Variants in PDE10A observed in about 807,000 individuals in gnomAD.
PDE10A encodes the protein cAMP and cAMP-inhibited cGMP 3',5'-cyclic phosphodiesterase 10A.
In PDE10A, 39 loss-of-function variants were observed where a neutral mutation model predicts 97.7. The ratio of observed to expected loss-of-function variants is 0.40; its 90% CI spans 0.31 to 0.52. The LOEUF is 0.52. Ranked by LOEUF, PDE10A falls within the 20% of genes least tolerant of loss-of-function variation. The pLI is 0.56. For synonymous variants in PDE10A, 371 were observed against 376.8 expected, an observed-to-expected ratio of 0.98 and a Z score of 0.18; for missense variants, 731 against 1,047.8, an observed-to-expected ratio of 0.70 and a Z score of 4.17.
intron 19 of PDE10A, among the ~76,000 whole-genome samples, chr6:165,341,798 A>G (rs575281420): frequency 2.6e-5 from 4 of 152,192 alleles, no homozygotes; most frequent in Non-Finnish European, 5.9e-5. Flanking sequence ...ACTAAACACA[A>G]TGAAAACTAT....
intron 14 of PDE10A, 89 bp from the exon 15 acceptor site, chr6:165,395,353 G>T: frequency 1.2e-6 from 1 of 841,530 alleles, no homozygotes; most frequent in South Asian, 1.6e-5. Flanking sequence ...TTGTACCAAG[G>T]AGCTAAAAAG....
intron 18 of PDE10A, among the ~76,000 whole-genome samples, chr6:165,346,664 C>T (rs1355365036): frequency 6.6e-6 from 1 of 152,162 alleles, no homozygotes; most frequent in Non-Finnish European, 1.5e-5. Flanking sequence ...TGCAGTAGTA[C>T]TTCAGATGAG....
At chr6:165,744,200 G>C (rs1792793978) in intron 1 of PDE10A, among the ~76,000 whole-genome samples, 1 of 152,062 alleles carries the variant, frequency 6.6e-6, no homozygotes, top group African/African-American at 2.4e-5. Context: ...ATTGTCTACA[G>C]AAAAAAGAAA....
chr6:165,334,887 A>G (rs1191260040), intron 21 of PDE10A, among the ~76,000 whole-genome samples: 4 of 152,162 alleles, frequency 2.6e-5, no homozygotes, highest in African/African-American at 7.2e-5. Flanking sequence ...AAAAAGCAGA[A>G]AAAAAATTTC....
chr6:165,460,849 T>A (rs1778281792), intron 3 of PDE10A, among the ~76,000 whole-genome samples: 1 of 152,126 alleles, frequency 6.6e-6, no homozygotes, highest in Admixed American at 6.5e-5. Context: ...GGTATGTCCC[T>A]GGTATGGGAC....
At chr6:165,620,099 T>A (rs1196530347) in intron 1 of PDE10A, among the ~76,000 whole-genome samples, 1 of 152,116 alleles carries the variant, frequency 6.6e-6, no homozygotes, top group Non-Finnish European at 1.5e-5. Context: ...TTCACTCTTC[T>A]CCATTAATTG....
chr6:165,411,140 C>T (rs532372374), intron 13 of PDE10A, among the ~76,000 whole-genome samples: 133 of 139,482 alleles, frequency 9.5e-4, no homozygotes, highest in Non-Finnish European at 1.6e-3. Flanking sequence ...CAGGTGTATA[C>T]GCTTTAAAAA....
At chr6:165,915,637 A>G (rs1473121981) in intron 1 of PDE10A, among the ~76,000 whole-genome samples, 1 of 152,230 alleles carries the variant, frequency 6.6e-6, no homozygotes, top group African/African-American at 2.4e-5. Context: ...GTAAAGATCC[A>G]GTGGACCCAG....
intron 1 of PDE10A, among the ~76,000 whole-genome samples, chr6:165,647,940 C>T (rs1246665535): frequency 6.6e-6 from 1 of 152,230 alleles, no homozygotes; most frequent in Non-Finnish European, 1.5e-5. Context: ...CGCAGGGGCT[C>T]GTAATTAAGC....
intron 2 of PDE10A, among the ~76,000 whole-genome samples, chr6:165,507,556 A>T (rs1247341438): frequency 1.3e-5 from 2 of 152,090 alleles, no homozygotes; most frequent in East Asian, 1.9e-4. Context: ...AAGTTCTACA[A>T]TCATCCAAGT....
intron 1 of PDE10A, among the ~76,000 whole-genome samples, chr6:165,765,646 C>T (rs530310276): frequency 6.6e-6 from 1 of 152,210 alleles, no homozygotes; most frequent in African/African-American, 2.4e-5. Context: ...CATGCAGCCC[C>T]GGTTCCTGCT....
At chr6:165,647,300 C>A (rs1789449108) in intron 1 of PDE10A, among the ~76,000 whole-genome samples, 1 of 152,184 alleles carries the variant, frequency 6.6e-6, no homozygotes, top group South Asian at 2.1e-4. Flanking sequence ...CACTCTGCCC[C>A]CGGAGCTGCC....
At chr6:165,602,683 C>A (rs767203975) in intron 1 of PDE10A, among the ~76,000 whole-genome samples, 2 of 152,088 alleles carry the variant, frequency 1.3e-5, no homozygotes, top group Non-Finnish European at 2.9e-5. Flanking sequence ...AAACAGGGCA[C>A]CCATATGATA....
chr6:165,910,426 G>A (rs1356316640), intron 1 of PDE10A, among the ~76,000 whole-genome samples: 1 of 152,222 alleles, frequency 6.6e-6, no homozygotes, highest in Non-Finnish European at 1.5e-5. Context: ...AATCTGCAAA[G>A]TACAGTGCTT....
intron 1 of PDE10A, among the ~76,000 whole-genome samples, chr6:165,623,347 G>A (rs60457032): frequency 0.1 from 15,938 of 152,030 alleles, 926 homozygotes; most frequent in Non-Finnish European, 0.13. Flanking sequence ...TGAGCCCCTG[G>A]CCTCAAGTGA....
At chr6:165,707,235 C>T (rs1420938243) in intron 1 of PDE10A, among the ~76,000 whole-genome samples, 1 of 152,188 alleles carries the variant, frequency 6.6e-6, no homozygotes, top group African/African-American at 2.4e-5. Flanking sequence ...GCTGCGGCTC[C>T]CCCAGTCCCG....
chr6:165,580,930 A>G (rs758286059), intron 1 of PDE10A, among the ~76,000 whole-genome samples: 1 of 151,844 alleles, frequency 6.6e-6, no homozygotes, highest in Non-Finnish European at 1.5e-5. Flanking sequence ...CTCCAACCCA[A>G]TGAGAAAGAA....
chr6:165,607,908 C>T (rs549720534), intron 1 of PDE10A, among the ~76,000 whole-genome samples: 3 of 152,132 alleles, frequency 2.0e-5, no homozygotes, highest in South Asian at 4.1e-4. Context: ...ACCCAAGTCT[C>T]CGGTCCTCCG....
In PDE10A at chr6:165,662,876, G is replaced by T. The variant is rs1400310658; in HGVS notation, c.-65C>A. Among the ~76,000 whole-genome samples the T allele has an allele frequency of 6.6e-6, 1 of 150,992 alleles. No individual in the cohort carries two copies. The highest frequency in any genetic ancestry group is 1.5e-5 in the Non-Finnish European group (1 of 67,510). The stretch of plus-strand genomic sequence containing the variant: ...GAGGGGCGCGGCGGGCCGGGGCTCG[G>T]TGGGCTCCGCCCCCGCAGGACCTGC... On this transcript the variant is annotated 5_prime_UTR_variant, in exon 1 of 22. Transcript: ENST00000539869.
Sources: allele counts gnomAD v4.1 joint callset (sites outside exome capture counted in the v4.1 genomes callset), GRCh38; gene constraint gnomAD v4.1.1; transcripts MANE v1.5; gene names NCBI Gene and HGNC (gene_info 2026-07-23, HGNC 2026-07-21).